Variants in GSE1 observed in about 807,000 individuals in gnomAD.
GSE1 encodes genetic suppressor element 1.
A neutral mutation model predicts 112.6 loss-of-function variants in GSE1; 32 were observed. That is an observed-to-expected ratio of 0.28 (90% CI 0.21 to 0.38). The LOEUF (loss-of-function observed/expected upper bound fraction) is 0.38, where lower values mean the gene tolerates loss of function less well. Ranked by LOEUF, GSE1 falls within the 10% of genes least tolerant of loss-of-function variation. The pLI is 1.00. For synonymous variants in GSE1, 1,115 were observed against 735.6 expected, an observed-to-expected ratio of 1.52 and a Z score of -8.35; for missense variants, 2,348 against 1,699.2, an observed-to-expected ratio of 1.38 and a Z score of -6.71.
intron 2 of GSE1, among the ~76,000 whole-genome samples, chr16:85,469,041 G>T (rs1262568563): frequency 6.6e-6 from 1 of 152,108 alleles, no homozygotes; most frequent in Non-Finnish European, 1.5e-5. Flanking sequence ...GATCACCTGA[G>T]GTCAGGAGTT....
At chr16:85,559,883 GA>G (rs954392627) in intron 1 of GSE1, among the ~76,000 whole-genome samples, 1 of 152,172 alleles carries the variant, frequency 6.6e-6, no homozygotes, top group African/African-American at 2.4e-5. Context: ...GTTGTGAGCA[GA>G]GACCATCTGG....
At chr16:85,225,046 G>A (rs949323668) in intron 1 of GSE1, among the ~76,000 whole-genome samples, 4 of 152,186 alleles carry the variant, frequency 2.6e-5, no homozygotes, top group African/African-American at 4.8e-5. Context: ...CAGAAGAATC[G>A]CTTGATCCCA....
At chr16:85,399,549 C>T (rs2048046604) in intron 2 of GSE1, among the ~76,000 whole-genome samples, 1 of 152,226 alleles carries the variant, frequency 6.6e-6, no homozygotes, top group African/African-American at 2.4e-5. Flanking sequence ...GAAGCCCCTG[C>T]AGGCCCCTGG....
At chr16:85,400,178 C>A (rs992059446) in intron 2 of GSE1, among the ~76,000 whole-genome samples, 4 of 152,248 alleles carry the variant, frequency 2.6e-5, no homozygotes, top group African/African-American at 9.6e-5. Context: ...CCGCCAGACG[C>A]CCCACAGGCC....
At chr16:85,409,228 C>G (rs2048416759) in intron 2 of GSE1, among the ~76,000 whole-genome samples, 1 of 42,908 alleles carries the variant, frequency 2.3e-5, no homozygotes, top group Admixed American at 1.9e-4. Flanking sequence ...ATAATCCTCA[C>G]TGTTACTCTC....
At chr16:85,630,621 G>A (rs544934811) in intron 1 of GSE1, among the ~76,000 whole-genome samples, 4 of 152,330 alleles carry the variant, frequency 2.6e-5, no homozygotes, top group Admixed American at 2.6e-4. Context: ...CAGGATGAAT[G>A]TTTTTAACCA....
chr16:85,314,888 C>T (rs1299386930), intron 1 of GSE1, among the ~76,000 whole-genome samples: 2 of 152,188 alleles, frequency 1.3e-5, no homozygotes, highest in Non-Finnish European at 2.9e-5. Context: ...GCATTCTGGG[C>T]CGTGTGTTGA....
intron 1 of GSE1, among the ~76,000 whole-genome samples, chr16:85,303,801 G>A (rs896300998): frequency 6.6e-6 from 1 of 152,248 alleles, no homozygotes; most frequent in Admixed American, 6.5e-5. Flanking sequence ...GTGAAACGAG[G>A]GTGAACACAG....
intron 2 of GSE1, among the ~76,000 whole-genome samples, chr16:85,500,417 T>C (rs1044973328): frequency 2.0e-5 from 3 of 152,326 alleles, no homozygotes; most frequent in East Asian, 1.9e-4. Context: ...AATAAATCAC[T>C]CGGCACTTCA....
chr16:85,466,285 A>G (rs1188775328), intron 2 of GSE1, among the ~76,000 whole-genome samples: 1 of 152,192 alleles, frequency 6.6e-6, no homozygotes, highest in African/African-American at 2.4e-5. Flanking sequence ...ATTAAGGGCT[A>G]TGGAGCAGTT....
chr16:85,190,207 A>G (rs942839508), intron 1 of GSE1, among the ~76,000 whole-genome samples: 2 of 152,232 alleles, frequency 1.3e-5, no homozygotes, highest in African/African-American at 4.8e-5. Flanking sequence ...TGAAGTCCAG[A>G]TGGTGTGTCC....
At chr16:85,242,307 C>A (rs936975079) in intron 1 of GSE1, among the ~76,000 whole-genome samples, 18 of 152,184 alleles carry the variant, frequency 1.2e-4, no homozygotes, top group Admixed American at 1.2e-3. Flanking sequence ...CTCAGCAGCC[C>A]TCGGGGTCTG....
In GSE1 at chr16:85,221,496, G is replaced by T. The variant is rs116935594; in HGVS notation, c.2283+49689G>T. 9.3e-3 allele frequency among the ~76,000 whole-genome samples: 1,414 copies of T among 152,158 alleles called. 10 individuals are homozygous for T. Among genetic ancestry groups the T allele is most frequent in the Non-Finnish European group, 0.016 (1,062 of 67,982 alleles). On this transcript the variant is annotated intron_variant, in intron 1 of 2. Coordinates refer to the GSE1 transcript ENST00000637419. ...ACAGACACACACTGCTTATGAGCAGGGTACGCCACATCCCTATCCCTCTAC... is the reference window on the plus strand; with the variant it reads ...ACAGACACACACTGCTTATGAGCAGTGTACGCCACATCCCTATCCCTCTAC...
At chr16:85,522,140 A>G (rs1344249160) in intron 2 of GSE1, among the ~76,000 whole-genome samples, 1 of 152,026 alleles carries the variant, frequency 6.6e-6, no homozygotes, top group Non-Finnish European at 1.5e-5. Context: ...CCCCCACCCA[A>G]CCAGCCTTAA....
intron 1 of GSE1, among the ~76,000 whole-genome samples, chr16:85,214,041 G>A (rs955729432): frequency 1.3e-5 from 2 of 152,362 alleles, no homozygotes; most frequent in African/African-American, 2.4e-5. Context: ...CACCGGCATC[G>A]TTCCACTGGG....
In GSE1 at chr16:85,186,873, G is replaced by A. The variant is rs183853288; in HGVS notation, c.2283+15066G>A. On this transcript the variant is annotated intron_variant, in intron 1 of 2. Coordinates refer to the GSE1 transcript ENST00000637419. ...TGATAAAGAAATAGCAGCGATGGTT[G>A]CCATGTATCGATTACAAGACATTAT... 2.0e-5 allele frequency among the ~76,000 whole-genome samples: 3 copies of A among 152,376 alleles called. No homozygotes were observed. The East Asian group carries it at 5.8e-4, about 29-fold the overall frequency.
chr16:85,614,544 T>G (rs542472547), intron 1 of GSE1, among the ~76,000 whole-genome samples: 1 of 152,038 alleles, frequency 6.6e-6, no homozygotes, highest in Non-Finnish European at 1.5e-5. Flanking sequence ...CGCGACACCC[T>G]CATTAGATGG....
At chr16:85,427,929 C>T (rs1163638001) in intron 2 of GSE1, among the ~76,000 whole-genome samples, 1 of 152,186 alleles carries the variant, frequency 6.6e-6, no homozygotes, top group Non-Finnish European at 1.5e-5. Flanking sequence ...TGAGATATTC[C>T]ATATCCTTAT....
At chr16:85,423,152 G>A (rs955893382) in intron 2 of GSE1, among the ~76,000 whole-genome samples, 7 of 152,212 alleles carry the variant, frequency 4.6e-5, no homozygotes, top group African/African-American at 9.7e-5. Context: ...CCTGATGAGC[G>A]AAACCTTCTC....
Sources: gnomAD v4.1 joint callset for allele counts (sites outside exome capture counted in the v4.1 genomes callset) on GRCh38, gnomAD v4.1.1 for gene constraint, MANE v1.5 for transcripts, NCBI Gene and HGNC (gene_info 2026-07-23, HGNC 2026-07-21) for gene names.